The following NKAPD1 variants were observed in gnomAD, a reference collection of about 807,000 sequenced individuals.
NKAPD1 encodes the protein NKAP domain containing 1, also known as uncharacterized protein NKAPD1.
NKAPD1 carries 12 observed loss-of-function variants against 30.9 expected under a neutral mutation model. That is an observed-to-expected ratio of 0.39 (90% CI 0.25 to 0.63). The LOEUF is 0.63. Among genes scored for constraint, NKAPD1 ranks in the 20% least tolerant of loss-of-function variants. The pLI, the probability that NKAPD1 is intolerant of heterozygous loss-of-function variation, is 0.51. For missense variants in NKAPD1, 311 were observed against 344.5 expected (o/e 0.90, Z 0.77); for synonymous variants, 91 against 113.6 (o/e 0.80, Z 1.26).
At chr11:112,080,619 T>C in intron 4 of NKAPD1, 61 bp downstream of exon 4, 1 of 1,549,526 alleles carries the variant, frequency 6.5e-7, no homozygotes, top group Non-Finnish European at 8.7e-7. Context: ...TTATCAAAAT[T>C]AATTGTCCCC....
chr11:112,078,376 G>A, intron 3 of NKAPD1, 61 bp downstream of exon 3: 1 of 1,331,280 alleles, frequency 7.5e-7, no homozygotes, highest in Non-Finnish European at 1.1e-6. Context: ...ATCAACTTTT[G>A]TTTAAAAATA....
chr11:112,080,527 T>G lies in NKAPD1; in HGVS notation c.289T>G (p.Phe97Val). ...TAAGGCTAAATCCTGGAATAAAAAG[T>G]TCTATGATTATGAAGCAAACATGCC... ...FLKAKSWNKKFYDYEANMPDR... is the reference protein window; with the variant it reads ...FLKAKSWNKKVYDYEANMPDR... The change falls in exon 4 of 6, where the codon TTC (phenylalanine) becomes GTC (valine). Residue 97 changes from phenylalanine (F) to valine (V), a missense_variant. Coordinates refer to ENST00000393047, the MANE Select transcript of NKAPD1 (RefSeq NM_018195.4). The G allele has an allele frequency of 6.2e-7, 1 of 1,613,984 alleles. No individual in the cohort carries two copies. The highest frequency in any genetic ancestry group is 8.5e-7 in the Non-Finnish European group (1 of 1,180,010).
chr11:112,084,658 C>T lies in NKAPD1; in HGVS notation c.*1686C>T, dbSNP rs1346704383. ...GCATTGTTTCTGTGCCCTGAAAGTA[C>T]CTGAAAGGTTTTAAGCACAGACTCA... is the stretch of plus-strand genomic sequence containing the variant. On this transcript the variant is annotated 3_prime_UTR_variant, in exon 6 of 6. Coordinates refer to ENST00000393047, the MANE Select transcript of NKAPD1 (RefSeq NM_018195.4). 2.0e-5 allele frequency: 3 copies of T among 152,508 alleles called. No homozygotes were observed. Among genetic ancestry groups the T allele is most frequent in the Middle Eastern group, 6.3e-3 (2 of 316 alleles). 9.4% of individuals were successfully genotyped at this position (152,508 alleles called of 1,614,324 possible).
intron 1 of NKAPD1, 132 bp from the exon 2 acceptor site, chr11:112,075,435 C>G (rs1314125517): frequency 7.6e-6 from 5 of 656,500 alleles, no homozygotes; most frequent in African/African-American, 1.9e-5. Flanking sequence ...AAAGGGAAAA[C>G]TATTCTTTAG....
rs1245969631 is a variant in NKAPD1 at position 112,074,853 on chromosome 11, G to T, written c.-72G>T. 9.7e-6 allele frequency: 2 copies of T among 205,624 alleles called. No individual in the cohort carries two copies. Among genetic ancestry groups the T allele is most frequent in the Non-Finnish European group, 1.9e-5 (2 of 103,008 alleles). 12.7% of individuals were successfully genotyped at this position (205,624 alleles called of 1,614,324 possible). A position where few individuals can be genotyped will look rare whatever the true frequency, so the allele number is the denominator to read the frequency against. On this transcript the variant is annotated 5_prime_UTR_variant, in exon 1 of 6. Transcript: ENST00000393047. Reference sequence around the variant, plus strand: ...CTCCTTGGCTTCCTGGGTCGGAGGAGATCTTGTAATGGAGTGGTTCTTCGT... The same window carrying T: ...CTCCTTGGCTTCCTGGGTCGGAGGATATCTTGTAATGGAGTGGTTCTTCGT...
chr11:112,084,362 G>C lies in NKAPD1; in HGVS notation c.*1390G>C, dbSNP rs1350736575. 3 of 152,608 alleles carry C rather than the reference G, an allele frequency of 2.0e-5. No individual in the cohort carries two copies. The highest frequency in any genetic ancestry group is 7.2e-5 in the African/African-American group (3 of 41,436). 9.5% of individuals were successfully genotyped at this position (152,608 alleles called of 1,614,324 possible). On this transcript the variant is annotated 3_prime_UTR_variant, in exon 6 of 6. Transcript: ENST00000393047. Reference sequence around the variant, plus strand: ...TTACGGGACAGATTTCTAATAAAGTGCTTGGTCTTAAAATACATGGTTGGA... The same window carrying C: ...TTACGGGACAGATTTCTAATAAAGTCCTTGGTCTTAAAATACATGGTTGGA...
intron 2 of NKAPD1, among the ~76,000 whole-genome samples, chr11:112,077,130 G>A (rs1052307738): frequency 6.6e-6 from 1 of 152,210 alleles, no homozygotes; most frequent in African/African-American, 2.4e-5. Flanking sequence ...ACTACTTTTG[G>A]TTTGATCATA....
intron 4 of NKAPD1, chr11:112,080,909 A>G (rs1220999808): frequency 9.6e-6 from 2 of 208,800 alleles, no homozygotes; most frequent in African/African-American, 2.4e-5. Context: ...ACATAACTGT[A>G]TGATTCCATT....
chr11:112,079,176 G>A (rs1255799470), intron 3 of NKAPD1, among the ~76,000 whole-genome samples: 6 of 110,818 alleles, frequency 5.4e-5, no homozygotes, highest in Admixed American at 5.0e-4. Context: ...ATGGAGTTTC[G>A]CTTTTGTTAC....
rs754170904 is a variant in NKAPD1 at position 112,074,692 on chromosome 11, G to C, written c.-233G>C. On this transcript the variant is annotated 5_prime_UTR_variant, in exon 1 of 6. Coordinates refer to ENST00000393047, the MANE Select transcript of NKAPD1 (RefSeq NM_018195.4). ...CAGCCTCCGGCCTCAGTCCGGGAGAGAGATCTGCCTGTCGGTCTGGGCTGG... is the reference window on the plus strand; with the variant it reads ...CAGCCTCCGGCCTCAGTCCGGGAGACAGATCTGCCTGTCGGTCTGGGCTGG... 2.5e-6 allele frequency: 1 copy of C among 392,470 alleles called. No homozygotes were observed. Among genetic ancestry groups the C allele is most frequent in the Non-Finnish European group, 4.5e-6 (1 of 222,542 alleles). 24.3% of individuals were successfully genotyped at this position (392,470 alleles called of 1,614,324 possible). A position where few individuals can be genotyped will look rare whatever the true frequency, so the allele number is the denominator to read the frequency against.
rs201076705 is a variant in NKAPD1 at position 112,081,975 on chromosome 11, A to T, written c.321-7A>T. On this transcript the variant is annotated splice_polypyrimidine_tract_variant and splice_region_variant and intron_variant, in intron 4 of 5. Transcript: ENST00000393047. The stretch of plus-strand genomic sequence containing the variant: ...TTTAACAATACATGTGATGTGTCAT[A>T]TTACAGATGGGGTCACAGTGGTTAT... The T allele has an allele frequency of 6.2e-7, 1 of 1,611,732 alleles. No homozygotes were observed. Among genetic ancestry groups the T allele is most frequent in the East Asian group, 2.2e-5 (1 of 44,756 alleles).
chr11:112,078,156 T>C, intron 2 of NKAPD1, 59 bp from the exon 3 acceptor site: 2 of 1,346,404 alleles, frequency 1.5e-6, no homozygotes, highest in Non-Finnish European at 1.0e-6. Context: ...TTAGTTACTT[T>C]TCTGTAATGT....
rs780386648 is a variant in NKAPD1, at chr11:112,082,992, T to C, written c.*20T>C. The C allele has an allele frequency of 6.4e-7, 1 of 1,571,848 alleles. No individual in the cohort carries two copies. The highest frequency in any genetic ancestry group is 8.6e-7 in the Non-Finnish European group (1 of 1,165,688). On this transcript the variant is annotated 3_prime_UTR_variant, in exon 6 of 6. Transcript: ENST00000393047. ...GACTAAATGGGAAACACTTTTGTTT[T>C]CCACATGACTGTGGATATTTACAGT...
chr11:112,081,780 A>G, intron 4 of NKAPD1: 4 of 524,938 alleles, frequency 7.6e-6, no homozygotes, highest in Non-Finnish European at 1.3e-5. Flanking sequence ...AATGGACAAA[A>G]TAATCTTGTA....
intron 2 of NKAPD1, among the ~76,000 whole-genome samples, chr11:112,076,305 G>A (rs554350196): frequency 2.0e-5 from 3 of 152,178 alleles, no homozygotes; most frequent in Admixed American, 1.3e-4. Context: ...GGAGGCAATT[G>A]CAGTATTACA....
At chr11:112,075,802 T>C (rs1012150030) in intron 2 of NKAPD1, 159 bp downstream of exon 2, 3 of 700,518 alleles carry the variant, frequency 4.3e-6, no homozygotes, top group African/African-American at 3.7e-5. Flanking sequence ...ATAAAATAGA[T>C]AATTATAATA....
In NKAPD1 at chr11:112,083,183, G is replaced by A. The variant is rs911062965; in HGVS notation, c.*211G>A. Reference sequence around the variant, plus strand: ...GGGAATCTGGTATTTTGTTATGAAGGTTTCTTGAAGAGATTATTTTTTTTT... The same window carrying A: ...GGGAATCTGGTATTTTGTTATGAAGATTTCTTGAAGAGATTATTTTTTTTT... On this transcript the variant is annotated 3_prime_UTR_variant, in exon 6 of 6. Coordinates refer to ENST00000393047, the MANE Select transcript of NKAPD1 (RefSeq NM_018195.4). 4 of 453,874 alleles carry A rather than the reference G, an allele frequency of 8.8e-6. No homozygotes were observed. The highest frequency in any genetic ancestry group is 6.0e-5 in the African/African-American group (3 of 49,842). The allele number at this position is 453,874 out of a possible 1,614,324, so 28.1% of individuals were successfully genotyped here.
chr11:112,077,673 G>C lies in NKAPD1; in HGVS notation c.70-542G>C, dbSNP rs909870502. On this transcript the variant is annotated intron_variant, in intron 2 of 5. Transcript: ENST00000393047. ...AAGATTGATAAGGTGATGTTTGTCT[G>C]TGCAGCGGTTTAAAAATTCTATTGG... Among the ~76,000 whole-genome samples, 3 of 152,268 alleles carry C rather than the reference G, an allele frequency of 2.0e-5. No individual in the cohort carries two copies. The East Asian group carries it at 5.8e-4, about 29-fold the overall frequency.
chr11:112,082,252 A>C (rs954335201), intron 5 of NKAPD1: 3 of 664,162 alleles, frequency 4.5e-6, no homozygotes, highest in Non-Finnish European at 7.4e-6. Flanking sequence ...TATTCCATAC[A>C]GTAACTCAGT....
Sources: gnomAD v4.1 joint callset for allele counts (sites outside exome capture counted in the v4.1 genomes callset) on GRCh38, gnomAD v4.1.1 for gene constraint, MANE v1.5 for transcripts, NCBI Gene and HGNC (gene_info 2026-07-23, HGNC 2026-07-21) for gene names.